Variants in MALSU1 observed in about 807,000 individuals in gnomAD.
MALSU1 encodes the protein mitochondrial assembly of ribosomal large subunit protein 1.
Under a neutral mutation model 22.1 loss-of-function variants are expected in MALSU1, and 22 were observed. That is an observed-to-expected ratio of 1.00 (90% CI 0.71 to 1.42). The LOEUF is 1.42. MALSU1 is among the 40% of genes most tolerant of loss of function. The pLI is 0.00. For synonymous variants in MALSU1, 153 were observed against 118.5 expected, an observed-to-expected ratio of 1.29 and a Z score of -1.89; for missense variants, 379 against 308.3, an observed-to-expected ratio of 1.23 and a Z score of -1.72.
chr7:23,307,791 CAAAAAAAAAAGACCTTCAGCA>C, intron 2 of MALSU1, 56 bp from the exon 3 acceptor site: 2 of 763,292 alleles, frequency 2.6e-6, no homozygotes, highest in Middle Eastern at 5.1e-4. Flanking sequence ...AACAAACAAA[CAAAAAAAAAAGACCTTCAGCA>C]AGAACAGGCT....
intron 2 of MALSU1, among the ~76,000 whole-genome samples, chr7:23,301,368 C>G (rs1474511798): frequency 2.6e-5 from 4 of 151,976 alleles, no homozygotes; most frequent in Non-Finnish European, 5.9e-5. Context: ...TTAAGTGATT[C>G]TCCTGCCTCA....
chr7:23,307,220 A>G (rs1783733695), intron 2 of MALSU1, among the ~76,000 whole-genome samples: 1 of 152,158 alleles, frequency 6.6e-6, no homozygotes, highest in African/African-American at 2.4e-5. Flanking sequence ...TTCAGATTTT[A>G]GTTGTCTTTT....
At chr7:23,307,428 C>T (rs1017702016) in intron 2 of MALSU1, among the ~76,000 whole-genome samples, 15 of 152,110 alleles carry the variant, frequency 9.9e-5, no homozygotes, top group East Asian at 3.9e-4. Flanking sequence ...TATAGGATGA[C>T]GGGGTCCCAT....
chr7:23,308,235 G>A (rs771844424), intron 3 of MALSU1, among the ~76,000 whole-genome samples: 30 of 152,144 alleles, frequency 2.0e-4, no homozygotes, highest in Non-Finnish European at 3.8e-4. Flanking sequence ...GGAAGGTGGT[G>A]GACAACAGGA....
rs1325040908 is a variant in MALSU1 at position 23,301,493 on chromosome 7, A to G, written c.435+476A>G. On this transcript the variant is annotated intron_variant, in intron 2 of 3. Coordinates refer to ENST00000466681, the MANE Select transcript of MALSU1 (RefSeq NM_138446.2). ...AGGCTGGTCTCAAACTCCTGACCTC[A>G]GGGGATCCGCCTGCCTCAGCCTCCT... Among the ~76,000 whole-genome samples the G allele has an allele frequency of 2.6e-5, 4 of 152,228 alleles. No individual in the cohort carries two copies. The East Asian group carries it at 7.8e-4, about 30-fold the overall frequency.
rs61734321 is a variant in MALSU1, at chr7:23,299,362, G to C, written c.10G>C (p.Gly4Arg). 365 of 1,576,276 alleles carry C rather than the reference G, an allele frequency of 2.3e-4. 1 individual carries two copies. In the African/African-American group the frequency reaches 4.5e-3, roughly 19 times the overall value. Reference sequence around the variant, plus strand: ...ACGCAAGGCTGCTGCTATGGGGCCGGGCGGCCGTGTGGCGCGGCTGCTCGC... The same window carrying C: ...ACGCAAGGCTGCTGCTATGGGGCCGCGCGGCCGTGTGGCGCGGCTGCTCGC... MGP[G>R]GRVARLLAPL... is the part of the protein sequence containing the mutation. Residue 4 changes from glycine to arginine, a missense_variant, in exon 1 of 4, where the codon GGC becomes CGC. By Grantham distance (125) the Gly-to-Arg change is moderately radical. Transcript: ENST00000466681.
rs965854650 is a variant in MALSU1 at position 23,303,831 on chromosome 7, A to G, written c.435+2814A>G. ...CTCAAAAGAAAAAAAAAAAAAAAAA[A>G]GGCTGGGTTCACACTTGTAATCCCA... On this transcript the variant is annotated intron_variant, in intron 2 of 3. Transcript: ENST00000466681. Among the ~76,000 whole-genome samples the G allele has an allele frequency of 6.5e-5, 9 of 138,934 alleles. 1 individual carries two copies. The East Asian group carries it at 1.6e-3, about 24-fold the overall frequency. 91.1% of individuals were successfully genotyped at this position (138,934 alleles called of 152,430 possible).
rs531317105 is a variant in MALSU1, at chr7:23,303,877, G to A, written c.435+2860G>A. On this transcript the variant is annotated intron_variant, in intron 2 of 3. Transcript: ENST00000466681. ...TCCCAGCACTTTGGGAGGCCAAGGC[G>A]GGTAGTTCACCTGAGGTTAGGAGTT... Among the ~76,000 whole-genome samples, 17 of 151,898 alleles carry A rather than the reference G, an allele frequency of 1.1e-4. No homozygotes were observed. The South Asian group carries it at 2.9e-3, about 26-fold the overall frequency.
rs776826295 is a variant in MALSU1 at position 23,300,945 on chromosome 7, A to G, written c.363A>G (p.Thr121=). ...AGGTTCCTCCAGAAATGAGATATACAGATTACTTTGTGATTGTTAGTGGAA... is the reference window on the plus strand; with the variant it reads ...AGGTTCCTCCAGAAATGAGATATACGGATTACTTTGTGATTGTTAGTGGAA... ...VIQVPPEMRY[T]DYFVIVSGTS... is the part of the protein sequence containing the mutation. Residue 121 remains threonine, a synonymous_variant, in exon 2 of 4, where the codon ACA becomes ACG. Transcript: ENST00000466681. 2 of 1,614,080 alleles carry G rather than the reference A, an allele frequency of 1.2e-6. No homozygotes were observed. The highest frequency in any genetic ancestry group is 2.2e-5 in the South Asian group (2 of 91,080).
intron 2 of MALSU1, among the ~76,000 whole-genome samples, chr7:23,305,094 G>A (rs1783707008): frequency 6.6e-6 from 1 of 152,120 alleles, no homozygotes; most frequent in South Asian, 2.1e-4. Context: ...GTTAGTTTTT[G>A]TAGGCGGTTA....
intron 1 of MALSU1, 92 bp from the exon 2 acceptor site, chr7:23,300,747 C>A: frequency 9.0e-7 from 1 of 1,109,452 alleles, no homozygotes; most frequent in Non-Finnish European, 1.3e-6. Flanking sequence ...TAAACACCCT[C>A]ATGGAGGAAC....
chr7:23,305,562 A>C (rs1783712327), intron 2 of MALSU1, among the ~76,000 whole-genome samples: 1 of 152,002 alleles, frequency 6.6e-6, no homozygotes, highest in Non-Finnish European at 1.5e-5. Flanking sequence ...TTTTTAGTAG[A>C]GATGAGGTTT....
In MALSU1 at chr7:23,309,681, T is replaced by C. The variant is rs1034570338; in HGVS notation, c.*138T>C. The stretch of plus-strand genomic sequence containing the variant: ...GTACCTCATGGGCACTCCTGCTAAC[T>C]GGCATGCAGAGACTGTCGATAAGTG... On this transcript the variant is annotated 3_prime_UTR_variant, in exon 4 of 4. Coordinates refer to ENST00000466681, the MANE Select transcript of MALSU1 (RefSeq NM_138446.2). The C allele has an allele frequency of 8.3e-6, 5 of 598,988 alleles. No homozygotes were observed. Among genetic ancestry groups the C allele is most frequent in the Admixed American group, 7.2e-5 (2 of 27,894 alleles). The allele number at this position is 598,988 out of a possible 1,614,324, so 37.1% of individuals were successfully genotyped here.
chr7:23,308,358 G>A (rs562110031), intron 3 of MALSU1, among the ~76,000 whole-genome samples: 172 of 152,286 alleles, frequency 1.1e-3, no homozygotes, highest in Admixed American at 2.2e-3. Flanking sequence ...AAGGACAAGA[G>A]CAGAAGACTA....
Position 23,309,493 on chromosome 7 carries a change from A to G in MALSU1, c.655A>G (p.Ile219Val), listed in dbSNP as rs761103703. 1.2e-6 allele frequency: 2 copies of G among 1,612,032 alleles called. No homozygotes were observed. The highest frequency in any genetic ancestry group is 1.3e-5 in the African/African-American group (1 of 74,842). The part of the protein sequence containing the change: ...ETVPEDFILG[I>V]EDDTSSVTPV... ...AGTACCTGAAGACTTCATTCTTGGA[A>G]TAGAAGATGATACTTCATCTGTGAC... The change falls in exon 4 of 4, where the codon ATA (isoleucine) becomes GTA (valine). Residue 219 changes from isoleucine (I) to valine (V), a missense_variant. Transcript: ENST00000466681.
rs372456753 is a variant in MALSU1, at chr7:23,309,572, C to T, written c.*29C>T. 3 of 1,537,012 alleles carry T rather than the reference C, an allele frequency of 2.0e-6. No homozygotes were observed. Reference sequence around the variant, plus strand: ...ATTTTATGCACTGCGTTAGTCATTTCAGATTTGGATTGAGTCACTTATTGG... The same window carrying T: ...ATTTTATGCACTGCGTTAGTCATTTTAGATTTGGATTGAGTCACTTATTGG... On this transcript the variant is annotated 3_prime_UTR_variant, in exon 4 of 4. Coordinates refer to ENST00000466681, the MANE Select transcript of MALSU1 (RefSeq NM_138446.2).
At chr7:23,307,368 A>G (rs1240398968) in intron 2 of MALSU1, among the ~76,000 whole-genome samples, 1 of 152,198 alleles carries the variant, frequency 6.6e-6, no homozygotes, top group Non-Finnish European at 1.5e-5. Context: ...CTTAATTGCC[A>G]TCTTGTTTGA....
Position 23,299,699 on chromosome 7 carries a change from C to A in MALSU1, c.256+91C>A. On this transcript the variant is annotated intron_variant, in intron 1 of 3. Transcript: ENST00000466681. The stretch of plus-strand genomic sequence containing the variant: ...GTGGCTCTGGGTTCCCCTCTATGTG[C>A]ATTTCTCTTGGAGTCACAAAACTCC... 4 of 1,400,664 alleles carry A rather than the reference C, an allele frequency of 2.9e-6. No individual in the cohort carries two copies. In the South Asian group the frequency reaches 5.6e-5, roughly 19 times the overall value. The allele number at this position is 1,400,664 out of a possible 1,614,324, so 86.8% of individuals were successfully genotyped here. A position where few individuals can be genotyped will look rare whatever the true frequency, so the allele number is the denominator to read the frequency against.
chr7:23,307,235 TAGTC>T (rs1435501998), intron 2 of MALSU1, among the ~76,000 whole-genome samples: 1 of 152,236 alleles, frequency 6.6e-6, no homozygotes, highest in African/African-American at 2.4e-5. Flanking sequence ...TCTTTTTTCT[TAGTC>T]ATTCTAAGAA....
Sources: gnomAD v4.1 joint callset for allele counts (sites outside exome capture counted in the v4.1 genomes callset) on GRCh38, gnomAD v4.1.1 for gene constraint, MANE v1.5 for transcripts, NCBI Gene and HGNC (gene_info 2026-07-23, HGNC 2026-07-21) for gene names.